UMAD1: variants seen among roughly 807,000 people sequenced by gnomAD.
UMAD1 encodes UBAP1-MVB12-associated (UMA)-domain containing protein 1.
UMAD1 carries 8 observed loss-of-function variants against 6.1 expected under a neutral mutation model. The ratio of observed to expected loss-of-function variants is 1.30; its 90% CI spans 0.76 to 2.35. UMAD1 has a LOEUF of 2.35. UMAD1 is among the 30% of genes most tolerant of loss of function. The pLI is 0.00. For missense variants in UMAD1, 130 were observed against 78.4 expected (o/e 1.66, Z -2.49); for synonymous variants, 56 against 31.4 (o/e 1.78, Z -2.61).
At chr7:7,754,898 G>T (rs1349232588) in intron 2 of UMAD1, among the ~76,000 whole-genome samples, 1 of 152,020 alleles carries the variant, frequency 6.6e-6, no homozygotes, top group Non-Finnish European at 1.5e-5. Flanking sequence ...CCGTATGATT[G>T]CACATCTTTT....
At chr7:7,691,551 G>A (rs1322453343) in intron 2 of UMAD1, among the ~76,000 whole-genome samples, 1 of 152,176 alleles carries the variant, frequency 6.6e-6, no homozygotes, top group Non-Finnish European at 1.5e-5. Flanking sequence ...AGGAGAAGAT[G>A]GGAACTCTGC....
intron 2 of UMAD1, among the ~76,000 whole-genome samples, chr7:7,769,898 C>T (rs1438498579): frequency 1.3e-5 from 2 of 152,136 alleles, no homozygotes; most frequent in South Asian, 2.1e-4. Flanking sequence ...CACACTCTTC[C>T]CGCTTCTCCT....
intron 3 of UMAD1, among the ~76,000 whole-genome samples, chr7:7,848,416 A>G (rs1783851128): frequency 6.6e-6 from 1 of 152,118 alleles, no homozygotes; most frequent in African/African-American, 2.4e-5. Flanking sequence ...GGAAGTCTTC[A>G]CTTTCTATAT....
intron 2 of UMAD1, among the ~76,000 whole-genome samples, chr7:7,681,457 A>G (rs1264214777): frequency 6.6e-6 from 1 of 152,144 alleles, no homozygotes; most frequent in East Asian, 1.9e-4. Context: ...CTTTCTCCGC[A>G]TTAAGATTTC....
At chr7:7,839,855 A>G (rs531710024) in intron 3 of UMAD1, among the ~76,000 whole-genome samples, 12 of 152,338 alleles carry the variant, frequency 7.9e-5, no homozygotes, top group Middle Eastern at 3.4e-3. Flanking sequence ...CCATAAATTT[A>G]AAATGAAACT....
intron 3 of UMAD1, among the ~76,000 whole-genome samples, chr7:7,805,050 A>G (rs1782884613): frequency 6.6e-6 from 1 of 152,120 alleles, no homozygotes; most frequent in Non-Finnish European, 1.5e-5. Context: ...GCTACCCTTC[A>G]TATACTACCT....
intron 2 of UMAD1, among the ~76,000 whole-genome samples, chr7:7,688,089 C>G (rs1780081623): frequency 6.6e-6 from 1 of 152,152 alleles, no homozygotes; most frequent in Non-Finnish European, 1.5e-5. Context: ...GGGCTGCATG[C>G]AGTGGTCTGG....
chr7:7,871,563 T>C (rs1784333391), intron 3 of UMAD1, among the ~76,000 whole-genome samples: 1 of 152,216 alleles, frequency 6.6e-6, no homozygotes, highest in South Asian at 2.1e-4. Context: ...TTAAACAGCT[T>C]AGATACAGCC....
intron 2 of UMAD1, among the ~76,000 whole-genome samples, chr7:7,701,013 A>G (rs1362552611): frequency 6.6e-6 from 1 of 152,206 alleles, no homozygotes; most frequent in African/African-American, 2.4e-5. Flanking sequence ...TCACGGTACT[A>G]CACTCCAGCA....
chr7:7,849,395 A>C (rs1372800537), intron 3 of UMAD1, among the ~76,000 whole-genome samples: 1 of 152,204 alleles, frequency 6.6e-6, no homozygotes, highest in African/African-American at 2.4e-5. Flanking sequence ...TGTGTCCTGC[A>C]GTTCAACACA....
At chr7:7,827,135 A>ATG (rs1178394302) in intron 3 of UMAD1, among the ~76,000 whole-genome samples, 5,878 of 114,156 alleles carry the variant, frequency 0.051, 147 homozygotes, top group Non-Finnish European at 0.058. Flanking sequence ...ATATATATAT[A>ATG]TATATATATA....
intron 1 of UMAD1, among the ~76,000 whole-genome samples, chr7:7,644,119 C>G (rs10235747): frequency 0.32 from 48,919 of 151,978 alleles, 9,241 homozygotes; most frequent in African/African-American, 0.52. Context: ...GAGTTTTTTC[C>G]CCCAATTTGA....
chr7:7,658,234 T>A (rs1785390608), intron 1 of UMAD1, among the ~76,000 whole-genome samples: 1 of 152,238 alleles, frequency 6.6e-6, no homozygotes, highest in South Asian at 2.1e-4. Context: ...GTTTTCTAAA[T>A]ATACAATCAT....
intron 2 of UMAD1, among the ~76,000 whole-genome samples, chr7:7,796,557 T>A (rs1782687523): frequency 6.6e-6 from 1 of 152,268 alleles, no homozygotes; most frequent in Non-Finnish European, 1.5e-5. Flanking sequence ...GGCCGACCCA[T>A]TTCTTTGTAA....
intron 1 of UMAD1, among the ~76,000 whole-genome samples, chr7:7,670,329 G>A (rs1779574711): frequency 6.6e-6 from 1 of 152,158 alleles, no homozygotes; most frequent in Non-Finnish European, 1.5e-5. Context: ...TGTTAGAAGA[G>A]GAGCCACTTC....
intron 2 of UMAD1, among the ~76,000 whole-genome samples, chr7:7,749,560 G>A (rs1323467205): frequency 2.0e-5 from 3 of 152,112 alleles, no homozygotes; most frequent in Non-Finnish European, 4.4e-5. Flanking sequence ...CTCAGTACTG[G>A]TGGCAAAGGC....
intron 1 of UMAD1, among the ~76,000 whole-genome samples, chr7:7,659,193 C>G (rs971691488): frequency 5.8e-4 from 89 of 152,206 alleles, no homozygotes; most frequent in African/African-American, 2.0e-3. Context: ...ATTCTTCTCT[C>G]TTTTCTTCTT....
chr7:7,743,932 A>T (rs1223332419), intron 2 of UMAD1, among the ~76,000 whole-genome samples: 1 of 152,116 alleles, frequency 6.6e-6, no homozygotes, highest in Non-Finnish European at 1.5e-5. Context: ...AGATATAATT[A>T]ATATACCATA....
chr7:7,743,853 C>T (rs1373678206), intron 2 of UMAD1, among the ~76,000 whole-genome samples: 1 of 151,890 alleles, frequency 6.6e-6, no homozygotes, highest in Non-Finnish European at 1.5e-5. Context: ...GTGAAACCAT[C>T]ACCACTGTCT....
Sources: gnomAD v4.1 joint callset for allele counts (sites outside exome capture counted in the v4.1 genomes callset) on GRCh38, gnomAD v4.1.1 for gene constraint, MANE v1.5 for transcripts, NCBI Gene and HGNC (gene_info 2026-07-23, HGNC 2026-07-21) for gene names.